Variants in PHF12 observed in about 807,000 individuals in gnomAD.
PHF12 encodes the protein PHD factor 1.
In PHF12, 6 loss-of-function variants were observed where a neutral mutation model predicts 99.8. That is an observed-to-expected ratio of 0.06 (90% CI 0.03 to 0.12). The LOEUF (loss-of-function observed/expected upper bound fraction) is 0.12, where lower values mean the gene tolerates loss of function less well. Ranked by LOEUF, PHF12 falls within the 10% of genes least tolerant of loss-of-function variation. PHF12 has a pLI of 1.00. For missense variants in PHF12, 954 were observed against 1,300.1 expected (o/e 0.73, Z 4.09); for synonymous variants, 480 against 514.9 (o/e 0.93, Z 0.92).
chr17:28,918,420 C>T lies in PHF12; in HGVS notation c.969+723G>A, dbSNP rs1196318967. On this transcript the variant is annotated intron_variant, in intron 6 of 14. Transcript: ENST00000332830. ...GTCAAAAGAACACAAAGTAACTCTT[C>T]TCTTCCATGTGTGCAAGTCTTTAAC... Among the ~76,000 whole-genome samples the T allele has an allele frequency of 5.9e-5, 9 of 152,372 alleles. No homozygotes were observed. The East Asian group carries it at 1.7e-3, about 29-fold the overall frequency.
chr17:28,913,565 G>A (rs2040007769), intron 8 of PHF12, among the ~76,000 whole-genome samples: 1 of 152,182 alleles, frequency 6.6e-6, no homozygotes, highest in Non-Finnish European at 1.5e-5. Flanking sequence ...ATTACCCCGA[G>A]CACCTGTGGT....
chr17:28,910,178 C>T (rs1199963634), intron 11 of PHF12, 48 bp downstream of exon 11: 4 of 1,613,504 alleles, frequency 2.5e-6, no homozygotes, highest in African/African-American at 1.3e-5. Context: ...CATTCGCACA[C>T]GTAGAGGGGA....
At chr17:28,924,482 A>C (rs1487676021) in intron 3 of PHF12, 180 bp from the exon 4 acceptor site, 2 of 756,864 alleles carry the variant, frequency 2.6e-6, no homozygotes, top group Non-Finnish European at 4.3e-6. Context: ...AACTGAACTA[A>C]AGCTGACAAA....
chr17:28,943,193 C>A (rs566302503), intron 2 of PHF12, among the ~76,000 whole-genome samples: 1 of 152,264 alleles, frequency 6.6e-6, no homozygotes, highest in Non-Finnish European at 1.5e-5. Flanking sequence ...GAAATTAGAA[C>A]CCTCCTACAC....
rs2040811688 is a variant in PHF12 at position 28,951,391 on chromosome 17, G to A, written c.-431C>T. 2.0e-6 allele frequency: 2 copies of A among 979,000 alleles called. No homozygotes were observed. Among genetic ancestry groups the A allele is most frequent in the African/African-American group, 1.8e-5 (1 of 57,122 alleles). The allele number at this position is 979,000 out of a possible 1,614,324, so 60.6% of individuals were successfully genotyped here. On this transcript the variant is annotated 5_prime_UTR_variant, in exon 1 of 15. Coordinates refer to ENST00000332830, the MANE Select transcript of PHF12 (RefSeq NM_001033561.2). ...AGGTGACTGGGGGGAGGGTGATGGG[G>A]GGTGGTCCCCGGGCTCCGCCTCTCG...
intron 4 of PHF12, 145 bp from the exon 5 acceptor site, chr17:28,921,953 G>A: frequency 9.0e-7 from 1 of 1,112,000 alleles, no homozygotes; most frequent in Non-Finnish European, 1.2e-6. Flanking sequence ...CCCTGGGGTT[G>A]ATTTTAAGTT....
At chr17:28,919,594 G>C (rs1030400864) in intron 5 of PHF12, among the ~76,000 whole-genome samples, 3 of 152,242 alleles carry the variant, frequency 2.0e-5, no homozygotes, top group Admixed American at 2.0e-4. Context: ...CAAAAAATTA[G>C]CTGGGCGTGG....
chr17:28,923,623 A>ACTCTAGC (rs1337325327), intron 4 of PHF12, among the ~76,000 whole-genome samples: 5 of 136,438 alleles, frequency 3.7e-5, no homozygotes, highest in African/African-American at 5.5e-5. Flanking sequence ...GTGCCACTGC[A>ACTCTAGC]CTCTAGCCTG....
In PHF12 at chr17:28,951,126, C is replaced by T; in HGVS notation, c.-166G>A. 6.9e-7 allele frequency: 1 copy of T among 1,443,168 alleles called. No homozygotes were observed. Among genetic ancestry groups the T allele is most frequent in the South Asian group, 1.4e-5 (1 of 70,704 alleles). 89.4% of individuals were successfully genotyped at this position (1,443,168 alleles called of 1,614,324 possible). On this transcript the variant is annotated 5_prime_UTR_variant, in exon 1 of 15. Transcript: ENST00000332830. ...CCCCCACCCCCCGGCCCCCAGTCCC[C>T]GGGACGACAGCGTCCTCCCGACGGG... is the stretch of plus-strand genomic sequence containing the variant.
At chr17:28,925,685 T>C (rs1165287305) in intron 3 of PHF12, 1 of 152,230 alleles carries the variant, frequency 6.6e-6, no homozygotes, top group Non-Finnish European at 1.5e-5. Context: ...GTTCTGTCAA[T>C]ACCTTTGAGT....
At chr17:28,948,377 T>C (rs534363102) in intron 2 of PHF12, among the ~76,000 whole-genome samples, 10 of 152,354 alleles carry the variant, frequency 6.6e-5, no homozygotes, top group African/African-American at 2.4e-4. Flanking sequence ...GCAAAAGAAA[T>C]GTGACCAGAA....
At chr17:28,911,334 G>C in intron 9 of PHF12, 97 bp from the exon 10 acceptor site, 2 of 1,503,822 alleles carry the variant, frequency 1.3e-6, no homozygotes, top group Non-Finnish European at 1.8e-6. Context: ...TCGGACCCAA[G>C]GTGATGTTCC....
rs1424324006 is a variant in PHF12, at chr17:28,950,039, G to A, written c.248+26C>T. On this transcript the variant is annotated intron_variant, in intron 2 of 14. Coordinates refer to ENST00000332830, the MANE Select transcript of PHF12 (RefSeq NM_001033561.2). The surrounding 1 kb of genome is among the most constrained non-coding windows in gnomAD (Gnocchi z 5.7). ...TGCGCAGAGAAGGGTCCGCCAAGAA[G>A]CTCCAAAAGGGTCCCCAGACCTTAC... 6.4e-7 allele frequency: 1 copy of A among 1,557,574 alleles called. No homozygotes were observed. The highest frequency in any genetic ancestry group is 8.7e-7 in the Non-Finnish European group (1 of 1,147,506).
chr17:28,916,040 T>C (rs1282190570), intron 7 of PHF12, among the ~76,000 whole-genome samples: 1 of 152,238 alleles, frequency 6.6e-6, no homozygotes, highest in Non-Finnish European at 1.5e-5. Context: ...ATACTACCTT[T>C]AATATCATCC....
At chr17:28,913,600 C>T (rs548594667) in intron 8 of PHF12, among the ~76,000 whole-genome samples, 4 of 152,358 alleles carry the variant, frequency 2.6e-5, no homozygotes, top group African/African-American at 9.6e-5. Context: ...CACCTAACCT[C>T]TCTATGGGTC....
chr17:28,906,290 T>A lies in PHF12; in HGVS notation c.2908A>T (p.Lys970Ter), dbSNP rs139198277. Residue 970 changes from lysine (K) to a stop codon, truncating the protein, a stop_gained, in exon 15 of 15, where the codon AAA becomes TAA. Coordinates refer to ENST00000332830, the MANE Select transcript of PHF12 (RefSeq NM_001033561.2). LOFTEE classifies it high-confidence loss of function. The surrounding 1 kb of genome is among the most constrained non-coding windows in gnomAD (Gnocchi z 4.2). ...FVFSITEFAT[K>*]QPKGDASLLQ... Reference sequence around the variant, plus strand: ...AGGCTGGCATCGCCTTTGGGCTGTTTGGTCGCAAACTCAGTGATGCTGAAG... The same window carrying A: ...AGGCTGGCATCGCCTTTGGGCTGTTAGGTCGCAAACTCAGTGATGCTGAAG... 6.2e-7 allele frequency: 1 copy of A among 1,614,102 alleles called. No individual in the cohort carries two copies. The highest frequency in any genetic ancestry group is 8.5e-7 in the Non-Finnish European group (1 of 1,180,026).
intron 5 of PHF12, among the ~76,000 whole-genome samples, chr17:28,919,878 T>C (rs1487076803): frequency 3.3e-5 from 5 of 152,180 alleles, no homozygotes; most frequent in African/African-American, 1.2e-4. Context: ...GGAGTACAGC[T>C]AAAGTGGCAG....
chr17:28,933,232 T>C (rs988151099), intron 2 of PHF12, among the ~76,000 whole-genome samples: 1 of 152,212 alleles, frequency 6.6e-6, no homozygotes, highest in African/African-American at 2.4e-5. Flanking sequence ...AATGAGACAA[T>C]GCTGCTTTTG....
intron 2 of PHF12, among the ~76,000 whole-genome samples, chr17:28,948,723 T>C (rs1193280241): frequency 1.3e-5 from 2 of 152,168 alleles, no homozygotes; most frequent in Non-Finnish European, 2.9e-5. Context: ...ATGGAACTGT[T>C]GAGAGACCTT....
Sources: allele counts gnomAD v4.1 joint callset (sites outside exome capture counted in the v4.1 genomes callset), GRCh38; gene constraint gnomAD v4.1.1; non-coding constraint Gnocchi (gnomAD v3.1); transcripts MANE v1.5; gene names NCBI Gene and HGNC (gene_info 2026-07-23, HGNC 2026-07-21).